The following SYTL5 variants were observed in gnomAD, a reference collection of about 807,000 sequenced individuals.
The protein encoded by SYTL5 is synaptotagmin like 5, also known as synaptotagmin-like protein 5.
Under a neutral mutation model 55.9 loss-of-function variants are expected in SYTL5, and 34 were observed. The observed-to-expected ratio is 0.61, with a 90% CI of 0.46 to 0.81. The LOEUF (loss-of-function observed/expected upper bound fraction) is 0.81. SYTL5 is among the 30% of genes least tolerant of loss of function. SYTL5 has a pLI of 0.00. For missense variants in SYTL5, 637 were observed against 546.7 expected (o/e 1.17, Z -1.65); for synonymous variants, 221 against 188.7 (o/e 1.17, Z -1.40).
chrX:38,020,441 A>G (rs1156608481), intron 1 of SYTL5, among the ~76,000 whole-genome samples: 1 of 88,409 alleles, frequency 1.1e-5, no homozygotes, highest in Non-Finnish European at 2.2e-5. Context: ...ATATATATAT[A>G]TATATATATT....
the SYTL5 span, among the ~76,000 whole-genome samples, chrX:37,964,074 T>A: frequency 9.0e-6 from 1 of 111,726 alleles, no homozygotes; most frequent in Admixed American, 9.5e-5. Context: ...ATCACCAATA[T>A]GATAGTATCA....
chrX:38,002,173 T>C (rs771052602), upstream of SYTL5, among the ~76,000 whole-genome samples: 1 of 111,810 alleles, frequency 8.9e-6, no homozygotes, highest in African/African-American at 3.3e-5. Context: ...GCTTCATCCA[T>C]GTCCCTACAA....
chrX:37,992,906 A>C, the SYTL5 span, among the ~76,000 whole-genome samples: 1 of 112,263 alleles, frequency 8.9e-6, no homozygotes, highest in Admixed American at 9.4e-5. Flanking sequence ...GCACATAGAC[A>C]TATAGGCACA....
At chrX:38,124,245 G>A (rs1937603612) in intron 15 of SYTL5, among the ~76,000 whole-genome samples, 1 of 111,598 alleles carries the variant, frequency 9.0e-6, no homozygotes, top group Admixed American at 9.6e-5. Context: ...CAGCTGCAAG[G>A]GAGGTTGGGA....
the SYTL5 span, among the ~76,000 whole-genome samples, chrX:37,907,671 G>T: frequency 3.9e-3 from 431 of 110,882 alleles, 1 homozygote; most frequent in African/African-American, 0.013. Context: ...AAGGTCTGTT[G>T]AAAAAAAATG....
the SYTL5 span, among the ~76,000 whole-genome samples, chrX:37,889,091 A>T: frequency 6.2e-5 from 7 of 112,205 alleles, no homozygotes; most frequent in Non-Finnish European, 1.1e-4. Flanking sequence ...GAAATTTGAG[A>T]TGCTTTGGAT....
At chrX:37,922,580 G>A in the SYTL5 span, among the ~76,000 whole-genome samples, 1 of 111,854 alleles carries the variant, frequency 8.9e-6, no homozygotes, top group Non-Finnish European at 1.9e-5. Context: ...GTATACATTT[G>A]CTCTTACATG....
intron 3 of SYTL5, among the ~76,000 whole-genome samples, chrX:38,061,362 G>A (rs1935937383): frequency 8.9e-6 from 1 of 111,844 alleles, no homozygotes; most frequent in South Asian, 3.7e-4. Context: ...GCTATTCATG[G>A]AGTGGTTTTC....
chrX:38,079,354 A>C (rs1353570804), intron 6 of SYTL5, among the ~76,000 whole-genome samples: 1 of 111,983 alleles, frequency 8.9e-6, no homozygotes, highest in East Asian at 2.8e-4. Flanking sequence ...AGTAGTTTCA[A>C]AGCAAGGGAA....
At chrX:38,071,519 A>T (rs1384541048) in intron 3 of SYTL5, among the ~76,000 whole-genome samples, 1 of 112,036 alleles carries the variant, frequency 8.9e-6, no homozygotes, top group African/African-American at 3.2e-5. Flanking sequence ...TCATCAGTCT[A>T]ACCCACTGTA....
At chrX:37,892,647 T>C in the SYTL5 span, among the ~76,000 whole-genome samples, 1 of 92,123 alleles carries the variant, frequency 1.1e-5, no homozygotes, top group Non-Finnish European at 2.0e-5. Context: ...TATATGTATA[T>C]ATTAGTATAT....
intron 1 of SYTL5, among the ~76,000 whole-genome samples, chrX:38,032,385 G>A (rs1934979265): frequency 9.0e-6 from 1 of 111,578 alleles, no homozygotes; most frequent in African/African-American, 3.3e-5. Flanking sequence ...GAGAGTCAGG[G>A]CCTGGTGAGC....
intron 3 of SYTL5, among the ~76,000 whole-genome samples, chrX:38,071,658 T>G (rs1936267878): frequency 8.9e-6 from 1 of 111,802 alleles, no homozygotes; most frequent in Non-Finnish European, 1.9e-5. Flanking sequence ...AGATCACTTA[T>G]CCACTAATGC....
At chrX:37,893,616 CTATATATAATCTA>C in the SYTL5 span, among the ~76,000 whole-genome samples, 1 of 64,507 alleles carries the variant, frequency 1.6e-5, no homozygotes, top group Non-Finnish European at 2.3e-5. Flanking sequence ...TATATACAAT[CTATATATAATCTA>C]TATATATAAT....
intron 6 of SYTL5, among the ~76,000 whole-genome samples, chrX:38,079,301 G>A (rs185648497): frequency 1.4e-3 from 153 of 111,591 alleles, no homozygotes; most frequent in African/African-American, 4.9e-3. Flanking sequence ...TCATATAAGA[G>A]TGTAAATGAT....
chrX:38,089,489 C>T lies in SYTL5; in HGVS notation c.733C>T (p.Pro245Ser), dbSNP rs188213034. ...AGATCTCAATGACCAGGAACCTGGT[C>T]CTAGGACCCCGAAGAGCAGTCGGAG... is the stretch of plus-strand genomic sequence containing the variant. Reference protein sequence around the residue: ...SSDLNDQEPGPRTPKSSRSNG... With the variant: ...SSDLNDQEPGSRTPKSSRSNG... Residue 245 changes from proline to serine, a missense_variant, in exon 7 of 17, where the codon CCT becomes TCT. Coordinates refer to ENST00000297875, the MANE Select transcript of SYTL5 (RefSeq NM_138780.3). The T allele has an allele frequency of 7.5e-5, 91 of 1,208,389 alleles. No homozygotes were observed. In the East Asian group the frequency reaches 2.4e-3, roughly 32 times the overall value.
Position 38,102,428 on chromosome X carries a change from A to G in SYTL5, c.1149A>G (p.Leu383=), listed in dbSNP as rs918036343. ...STNTHRLASG[L]STTSLNSMMS... The stretch of plus-strand genomic sequence containing the variant: ...ACACTCACCGTCTGGCAAGTGGCCT[A>G]TCAACTGTAAGCAGTTCACTAGGAC... Residue 383 remains leucine, a synonymous_variant, in exon 10 of 17, where the codon CTA becomes CTG. Transcript: ENST00000297875. 8.4e-7 allele frequency: 1 copy of G among 1,189,746 alleles called. No individual in the cohort carries two copies. The highest frequency in any genetic ancestry group is 1.1e-6 in the Non-Finnish European group (1 of 875,760).
chrX:37,939,826 A>G, the SYTL5 span: 1 of 110,919 alleles, frequency 9.0e-6, no homozygotes, highest in African/African-American at 3.3e-5. Flanking sequence ...TGTCTGCCCT[A>G]TCTTTTTGTC....
At chrX:37,956,088 G>C in the SYTL5 span, among the ~76,000 whole-genome samples, 1 of 111,779 alleles carries the variant, frequency 8.9e-6, no homozygotes, top group South Asian at 3.7e-4. Context: ...CAATTATTTA[G>C]CATATAGTCT....
Sources: gnomAD v4.1 joint callset for allele counts (sites outside exome capture counted in the v4.1 genomes callset) on GRCh38, gnomAD v4.1.1 for gene constraint, MANE v1.5 for transcripts, NCBI Gene and HGNC (gene_info 2026-07-23, HGNC 2026-07-21) for gene names.